The following CRYM variants were observed in gnomAD, a reference collection of about 807,000 sequenced individuals.
CRYM encodes crystallin mu.
A neutral mutation model predicts 32.9 loss-of-function variants in CRYM; 18 were observed. The observed-to-expected ratio is 0.55, with a 90% CI of 0.38 to 0.81. The LOEUF is 0.81. CRYM is among the 30% of genes least tolerant of loss of function. The probability of loss-of-function intolerance (pLI) is 0.00; values close to 1 mark genes in which losing one functional copy is unlikely to be tolerated. For synonymous variants in CRYM, 153 were observed against 152.4 expected (o/e 1.00, Z -0.03); for missense variants, 337 against 393.5 (o/e 0.86, Z 1.21).
upstream of CRYM, among the ~76,000 whole-genome samples, chr16:21,282,271 A>G (rs2093399545): frequency 6.6e-6 from 1 of 152,186 alleles, no homozygotes; most frequent in Non-Finnish European, 1.5e-5. Flanking sequence ...TGTAAATCCA[A>G]TAAGCCTCTT....
intron 5 of CRYM, among the ~76,000 whole-genome samples, chr16:21,267,148 A>C (rs560634749): frequency 2.6e-5 from 4 of 152,058 alleles, no homozygotes; most frequent in African/African-American, 9.6e-5. Context: ...CCCAGGCTAA[A>C]GTGCAGTGGC....
intron 1 of CRYM, among the ~76,000 whole-genome samples, chr16:21,286,543 A>G (rs1440736651): frequency 6.6e-6 from 1 of 152,046 alleles, no homozygotes; most frequent in African/African-American, 2.4e-5. Flanking sequence ...CATAATTGAC[A>G]AGGATATTTG....
chr16:21,267,472 C>T (rs2093366161), intron 5 of CRYM, 82 bp downstream of exon 5: 4 of 1,414,662 alleles, frequency 2.8e-6, no homozygotes, highest in Non-Finnish European at 3.0e-6. Flanking sequence ...AATAAACTGG[C>T]TCTGCAAATG....
At chr16:21,302,055 C>T (rs1333228321) in intron 1 of CRYM, among the ~76,000 whole-genome samples, 1 of 152,212 alleles carries the variant, frequency 6.6e-6, no homozygotes, top group Admixed American at 6.5e-5. Context: ...CCAGAGACTT[C>T]CTCATCCCCC....
At chr16:21,297,483 T>A (rs931823501) in intron 1 of CRYM, among the ~76,000 whole-genome samples, 1 of 152,268 alleles carries the variant, frequency 6.6e-6, no homozygotes, top group East Asian at 1.9e-4. Context: ...ATGAAAAAAA[T>A]TCCCATTAAC....
intron 3 of CRYM, among the ~76,000 whole-genome samples, chr16:21,274,818 C>T (rs1457172909): frequency 6.6e-6 from 1 of 152,130 alleles, no homozygotes; most frequent in Non-Finnish European, 1.5e-5. Flanking sequence ...GTTGACCAGG[C>T]TGGTCTCCAA....
chr16:21,274,086 TATA>T (rs2093381366), intron 3 of CRYM, among the ~76,000 whole-genome samples: 1 of 152,206 alleles, frequency 6.6e-6, no homozygotes, highest in East Asian at 1.9e-4. Context: ...ACGTTTCCTT[TATA>T]ATAACTTAGG....
intron 4 of CRYM, among the ~76,000 whole-genome samples, chr16:21,268,881 C>T (rs992487412): frequency 6.6e-5 from 10 of 152,122 alleles, no homozygotes; most frequent in Admixed American, 2.0e-4. Flanking sequence ...CAGTGGTTCA[C>T]GCCTGTAATC....
At chr16:21,287,692 T>G (rs943406528) in intron 1 of CRYM, among the ~76,000 whole-genome samples, 1 of 152,240 alleles carries the variant, frequency 6.6e-6, no homozygotes, top group Non-Finnish European at 1.5e-5. Context: ...CAATGAGATC[T>G]GGAGAGCTTC....
At chr16:21,296,619 T>C (rs74012154) in intron 1 of CRYM, among the ~76,000 whole-genome samples, 128 of 152,322 alleles carry the variant, frequency 8.4e-4, no homozygotes, top group African/African-American at 2.8e-3. Flanking sequence ...GACTTTTATA[T>C]ATGTAGACAA....
At chr16:21,278,298 G>C (rs1286572794), upstream of CRYM, 1 of 1,548,668 alleles carries the variant, frequency 6.5e-7, no homozygotes, top group Non-Finnish European at 8.7e-7. Context: ...CGCGATCCAC[G>C]TACCCTCGGC....
At chr16:21,269,393 G>T (rs753892584) in intron 4 of CRYM, among the ~76,000 whole-genome samples, 1 of 152,108 alleles carries the variant, frequency 6.6e-6, no homozygotes, top group Non-Finnish European at 1.5e-5. Context: ...GTGGCCTCCT[G>T]GTCTCCAGGT....
intron 3 of CRYM, among the ~76,000 whole-genome samples, chr16:21,272,174 A>G (rs2093376940): frequency 6.6e-6 from 1 of 152,120 alleles, no homozygotes; most frequent in Non-Finnish European, 1.5e-5. Flanking sequence ...ATTTTTAATC[A>G]TATGTTTATA....
intron 1 of CRYM, chr16:21,300,582 C>G (rs1960888160): frequency 6.6e-6 from 1 of 151,282 alleles, no homozygotes; most frequent in Non-Finnish European, 1.5e-5. Context: ...ATAAACTCAT[C>G]TACTCATCAA....
At chr16:21,297,699 G>A (rs928359281) in intron 1 of CRYM, among the ~76,000 whole-genome samples, 6 of 152,158 alleles carry the variant, frequency 3.9e-5, no homozygotes, top group Non-Finnish European at 5.9e-5. Flanking sequence ...CCATGTGAGT[G>A]TCTTATGCAT....
rs553079516 is a variant in CRYM, at chr16:21,277,141, G to A, written c.324+290C>T. 1.4e-4 allele frequency among the ~76,000 whole-genome samples: 22 copies of A among 152,126 alleles called. No homozygotes were observed. Among genetic ancestry groups the A allele is most frequent in the Non-Finnish European group, 2.1e-4 (14 of 68,030 alleles). The stretch of plus-strand genomic sequence containing the variant: ...GGTTCATTCAAGCTGCGTATTTGGG[G>A]CAACTGAGTATAGGACAAGGACATA... On this transcript the variant is annotated intron_variant, in intron 2 of 7. Transcript: ENST00000572914. This position sits in a 1 kb window ranked among gnomAD's most constrained non-coding sequence, Gnocchi z 4.2.
At chr16:21,292,213 A>G (rs1379169184) in intron 1 of CRYM, among the ~76,000 whole-genome samples, 1 of 152,116 alleles carries the variant, frequency 6.6e-6, no homozygotes, top group Non-Finnish European at 1.5e-5. Context: ...ATGATCTACC[A>G]AAAAAGAGAC....
At chr16:21,289,457 CTTTAAA>C (rs1485580331) in intron 1 of CRYM, among the ~76,000 whole-genome samples, 1 of 152,040 alleles carries the variant, frequency 6.6e-6, no homozygotes, top group African/African-American at 2.4e-5. Flanking sequence ...TTATTTGTGC[CTTTAAA>C]TTTAAATTGA....
intron 1 of CRYM, among the ~76,000 whole-genome samples, chr16:21,289,658 T>C (rs1327147820): frequency 1.3e-5 from 2 of 152,140 alleles, no homozygotes; most frequent in Non-Finnish European, 2.9e-5. Context: ...ACTTACCCTC[T>C]ACCTCCTCAC....
Sources: allele counts gnomAD v4.1 joint callset (sites outside exome capture counted in the v4.1 genomes callset), GRCh38; gene constraint gnomAD v4.1.1; non-coding constraint Gnocchi (gnomAD v3.1); transcripts MANE v1.5; gene names NCBI Gene and HGNC (gene_info 2026-07-23, HGNC 2026-07-21).